The following FABP4 variants were observed in gnomAD, a reference collection of about 807,000 sequenced individuals.
FABP4 encodes the protein fatty acid-binding protein, adipocyte.
FABP4 carries 17 observed loss-of-function variants against 14.6 expected under a neutral mutation model. The observed-to-expected ratio is 1.16, with a 90% CI of 0.80 to 1.74. The LOEUF (loss-of-function observed/expected upper bound fraction) is 1.74, where lower values mean the gene tolerates loss of function less well. Ranked by LOEUF, FABP4 falls within the 40% of genes most tolerant of loss-of-function variation. The pLI is 0.00. For synonymous variants in FABP4, 54 were observed against 54.6 expected (o/e 0.99, Z 0.05); for missense variants, 149 against 160.3 (o/e 0.93, Z 0.38).
Position 81,483,185 on chromosome 8 carries a change from A to C in FABP4, c.-18T>G. 1.9e-6 allele frequency: 3 copies of C among 1,601,962 alleles called. No individual in the cohort carries two copies. The highest frequency in any genetic ancestry group is 2.6e-6 in the Non-Finnish European group (3 of 1,173,678). On this transcript the variant is annotated 5_prime_UTR_variant, in exon 1 of 4. Transcript: ENST00000256104. Reference sequence around the variant, plus strand: ...TCACACATTTTGTGAGTTTTCTAGGATTATTCTTCAAGGTGAGAAGGAAGC... The same window carrying C: ...TCACACATTTTGTGAGTTTTCTAGGCTTATTCTTCAAGGTGAGAAGGAAGC...
chr8:81,479,415 A>G lies in FABP4; in HGVS notation c.347T>C (p.Val116Ala), dbSNP rs746815432. 1 of 1,611,364 alleles carries G rather than the reference A, an allele frequency of 6.2e-7. No individual in the cohort carries two copies. Among genetic ancestry groups the G allele is most frequent in the Non-Finnish European group, 8.5e-7 (1 of 1,177,778 alleles). The change falls in exon 3 of 4, where the codon GTG (valine) becomes GCG (alanine). Residue 116 changes from valine (V) to alanine (A), a missense_variant and splice_region_variant. Transcript: ENST00000256104. ...ATTAAGTAGCTAGAAGATACTCACCACCACCAGTTTATCATCCTCTCGTTT... is the reference window on the plus strand; with the variant it reads ...ATTAAGTAGCTAGAAGATACTCACCGCCACCAGTTTATCATCCTCTCGTTT... ...KRKREDDKLVVECVMKGVTST... is the reference protein window; with the variant it reads ...KRKREDDKLVAECVMKGVTST...
intron 2 of FABP4, 21 bp from the exon 3 acceptor site, chr8:81,479,536 A>G (rs764534079): frequency 6.3e-7 from 1 of 1,589,544 alleles, no homozygotes; most frequent in Non-Finnish European, 8.6e-7. Flanking sequence ...AAGAAAATGT[A>G]ATGACAATGT....
intron 2 of FABP4, among the ~76,000 whole-genome samples, chr8:81,480,192 GA>G (rs923979029): frequency 1.3e-5 from 2 of 152,156 alleles, no homozygotes; most frequent in Admixed American, 1.3e-4. Flanking sequence ...CTGTTTGACA[GA>G]GTGAGAACAT....
intron 2 of FABP4, 104 bp from the exon 3 acceptor site, chr8:81,479,619 T>C: frequency 1.4e-6 from 1 of 721,568 alleles, no homozygotes; most frequent in Non-Finnish European, 2.3e-6. Flanking sequence ...CATTAGTAAT[T>C]CTAAATGACA....
chr8:81,483,014 A>G, intron 1 of FABP4, 81 bp downstream of exon 1: 14 of 1,109,876 alleles, frequency 1.3e-5, no homozygotes, highest in Non-Finnish European at 1.8e-5. Context: ...GCTTCCAGAC[A>G]TTGCTATAAA....
chr8:81,481,233 A>T (rs1808075204), intron 1 of FABP4, among the ~76,000 whole-genome samples: 1 of 152,194 alleles, frequency 6.6e-6, no homozygotes, highest in Admixed American at 6.5e-5. Flanking sequence ...AAAAGGCAAA[A>T]TGTTTCCTAC....
intron 2 of FABP4, 116 bp from the exon 3 acceptor site, chr8:81,479,631 G>A: frequency 1.6e-6 from 1 of 639,826 alleles, no homozygotes; most frequent in South Asian, 2.3e-5. Context: ...TAAATGACAA[G>A]AATATATTGC....
intron 1 of FABP4, among the ~76,000 whole-genome samples, chr8:81,482,242 TAAA>T (rs1343942264): frequency 1.3e-5 from 2 of 152,140 alleles, no homozygotes; most frequent in Non-Finnish European, 2.9e-5. Context: ...TAAGATTGCA[TAAA>T]ATTCCTCCCC....
intron 3 of FABP4, 127 bp downstream of exon 3, chr8:81,479,287 A>G: frequency 1.3e-6 from 1 of 770,522 alleles, no homozygotes; most frequent in Non-Finnish European, 2.1e-6. Flanking sequence ...GAGTGGAAGC[A>G]TAATTCCAAT....
At position 81,480,600 on chromosome 8, in the gene FABP4, T is replaced by C. The variant is rs1376176418; in HGVS notation, c.74-2A>G. 1 of 1,603,384 alleles carries C rather than the reference T, an allele frequency of 6.2e-7. No individual in the cohort carries two copies. The highest frequency in any genetic ancestry group is 8.5e-7 in the Non-Finnish European group (1 of 1,175,450). On this transcript the variant is annotated splice_acceptor_variant, in intron 1 of 3. Transcript: ENST00000256104. LOFTEE classifies it high-confidence loss of function. ...CTTTCCTGGTGGCAAAGCCCACTCC[T>C]ACAGTTAGGAAAAGAAAAGATGTCA... is the stretch of plus-strand genomic sequence containing the variant.
intron 1 of FABP4, among the ~76,000 whole-genome samples, chr8:81,481,597 C>T (rs1808080262): frequency 1.3e-5 from 2 of 152,058 alleles, no homozygotes; most frequent in African/African-American, 2.4e-5. Context: ...CTAAAGGCAA[C>T]CAAAGGTTAG....
chr8:81,480,504 A>G lies in FABP4; in HGVS notation c.168T>C (p.Ser56=). 1 of 1,613,930 alleles carries G rather than the reference A, an allele frequency of 6.2e-7. No individual in the cohort carries two copies. The highest frequency in any genetic ancestry group is 8.5e-7 in the Non-Finnish European group (1 of 1,179,872). Residue 56 remains serine (S), a synonymous_variant, in exon 2 of 4, where the codon AGT becomes AGC. Coordinates refer to ENST00000256104, the MANE Select transcript of FABP4 (RefSeq NM_001442.3). ...NGDVITIKSE[S]TFKNTEISFI... ...AGGAAATCTCAGTATTTTTAAAGGT[A>G]CTTTCAGATTTAATGGTGATCACAT...
rs148632765 is a variant in FABP4, at chr8:81,479,485, C to A, written c.277G>T (p.Val93Leu). ...TTTCCATCCCATTTCTGCACATGTA[C>A]CAGGACACCCCCATCTAAGGTTATG... ...STITLDGGVL[V>L]HVQKWDGKST... The change falls in exon 3 of 4, where the codon GTA becomes TTA. Residue 93 changes from valine to leucine, a missense_variant. Val to Leu is a conservative substitution (Grantham distance 32, BLOSUM62 1). Coordinates refer to ENST00000256104, the MANE Select transcript of FABP4 (RefSeq NM_001442.3). 2 of 1,613,248 alleles carry A rather than the reference C, an allele frequency of 1.2e-6. No homozygotes were observed. The highest frequency in any genetic ancestry group is 3.3e-5 in the Admixed American group (2 of 59,952).
intron 1 of FABP4, among the ~76,000 whole-genome samples, chr8:81,482,236 A>T (rs763575518): frequency 3.9e-4 from 60 of 152,170 alleles, no homozygotes; most frequent in Non-Finnish European, 5.4e-4. Context: ...AAACCCTAAG[A>T]TTGCATAAAA....
In FABP4 at chr8:81,480,599, C is replaced by T; in HGVS notation, c.74-1G>A. The stretch of plus-strand genomic sequence containing the variant: ...ACTTTCCTGGTGGCAAAGCCCACTC[C>T]TACAGTTAGGAAAAGAAAAGATGTC... On this transcript the variant is annotated splice_acceptor_variant, in intron 1 of 3. Coordinates refer to ENST00000256104, the MANE Select transcript of FABP4 (RefSeq NM_001442.3). LOFTEE classifies it high-confidence loss of function. 6.2e-7 allele frequency: 1 copy of T among 1,603,528 alleles called. No homozygotes were observed. The highest frequency in any genetic ancestry group is 8.5e-7 in the Non-Finnish European group (1 of 1,175,514).
At chr8:81,481,819 C>T (rs1808082986) in intron 1 of FABP4, among the ~76,000 whole-genome samples, 1 of 152,126 alleles carries the variant, frequency 6.6e-6, no homozygotes, top group Non-Finnish European at 1.5e-5. Flanking sequence ...AAAAACCAGT[C>T]TCCATTTGCT....
In FABP4 at chr8:81,480,524, T is replaced by G. The variant is rs752469750; in HGVS notation, c.148A>C (p.Ile50Leu). ...NMIISVNGDV[I>L]TIKSESTFKN... ...AAGGTACTTTCAGATTTAATGGTGATCACATCCCCATTCACACTGATGATC... is the reference window on the plus strand; with the variant it reads ...AAGGTACTTTCAGATTTAATGGTGAGCACATCCCCATTCACACTGATGATC... The change falls in exon 2 of 4, where the codon ATC becomes CTC. Residue 50 changes from isoleucine to leucine, a missense_variant. Ile to Leu is a conservative substitution (Grantham distance 5). Coordinates refer to ENST00000256104, the MANE Select transcript of FABP4 (RefSeq NM_001442.3). 9 of 1,613,842 alleles carry G rather than the reference T, an allele frequency of 5.6e-6. No individual in the cohort carries two copies. Among genetic ancestry groups the G allele is most frequent in the Non-Finnish European group, 7.6e-6 (9 of 1,179,862 alleles).
At chr8:81,479,974 A>G (rs998792982) in intron 2 of FABP4, 3 of 160,604 alleles carry the variant, frequency 1.9e-5, no homozygotes, top group Non-Finnish European at 2.7e-5. Context: ...TAGGGAGGCC[A>G]AGGCAGGAGG....
intron 2 of FABP4, 134 bp downstream of exon 2, chr8:81,480,292 G>A: frequency 1.2e-6 from 1 of 805,042 alleles, no homozygotes; most frequent in South Asian, 2.1e-5. Context: ...AGGAAACACA[G>A]TTTAGATGTA....
Sources: allele counts gnomAD v4.1 joint callset (sites outside exome capture counted in the v4.1 genomes callset), GRCh38; gene constraint gnomAD v4.1.1; transcripts MANE v1.5; gene names NCBI Gene and HGNC (gene_info 2026-07-23, HGNC 2026-07-21).